GRM8: variants seen among roughly 807,000 people sequenced by gnomAD.
GRM8 encodes the protein metabotropic glutamate receptor 8.
GRM8 carries 47 observed loss-of-function variants against 87.2 expected under a neutral mutation model. The observed-to-expected ratio is 0.54, with a 90% CI of 0.43 to 0.69. The LOEUF (loss-of-function observed/expected upper bound fraction) is 0.69, where lower values mean the gene tolerates loss of function less well. GRM8 is among the 30% of genes least tolerant of loss of function. The probability of loss-of-function intolerance (pLI) is 0.00; values close to 1 mark genes in which losing one functional copy is unlikely to be tolerated. For synonymous variants in GRM8, 396 were observed against 404.5 expected (o/e 0.98, Z 0.25); for missense variants, 1,019 against 1,139.2 (o/e 0.89, Z 1.52).
intron 6 of GRM8, among the ~76,000 whole-genome samples, chr7:126,822,604 G>T (rs1056902422): frequency 2.0e-5 from 3 of 151,402 alleles, no homozygotes; most frequent in Non-Finnish European, 4.4e-5. Flanking sequence ...TGTTGCCCAG[G>T]CTGGAGTGCA....
chr7:127,028,118 T>C (rs1188751691), intron 3 of GRM8, among the ~76,000 whole-genome samples: 1 of 152,206 alleles, frequency 6.6e-6, no homozygotes, highest in Non-Finnish European at 1.5e-5. Context: ...TCTGTTTATG[T>C]GACAGATTAT....
rs182625600 is a variant in GRM8 at position 127,178,637 on chromosome 7, G to T, written c.510+64058C>A. ...GTAACCTGTAAAGAAAAACCTATCA[G>T]ATTAACAGCAGATTTCTCTGGAGAA... is the stretch of plus-strand genomic sequence containing the variant. On this transcript the variant is annotated intron_variant, in intron 2 of 10. Transcript: ENST00000339582. Among the ~76,000 whole-genome samples, 387 of 152,298 alleles carry T rather than the reference G, an allele frequency of 2.5e-3. 2 individuals are homozygous for T. The highest frequency in any genetic ancestry group is 9.0e-3 in the African/African-American group (374 of 41,562).
chr7:126,798,105 G>C (rs888768521), intron 6 of GRM8, among the ~76,000 whole-genome samples: 1 of 151,978 alleles, frequency 6.6e-6, no homozygotes, highest in African/African-American at 2.4e-5. Context: ...ATATTTACAC[G>C]TTGCCAAGTC....
At chr7:126,998,138 T>C (rs563367542) in intron 3 of GRM8, among the ~76,000 whole-genome samples, 1 of 152,074 alleles carries the variant, frequency 6.6e-6, no homozygotes, top group East Asian at 1.9e-4. Context: ...TGATATATCA[T>C]ATCAACAGAA....
At chr7:126,955,811 C>T (rs533429749) in intron 3 of GRM8, among the ~76,000 whole-genome samples, 5 of 152,152 alleles carry the variant, frequency 3.3e-5, no homozygotes, top group South Asian at 2.1e-4. Flanking sequence ...ATGTGGATCT[C>T]GATAGGAGTT....
intron 3 of GRM8, among the ~76,000 whole-genome samples, chr7:126,921,446 A>G (rs961997465): frequency 5.3e-5 from 8 of 152,156 alleles, no homozygotes; most frequent in Admixed American, 5.2e-4. Flanking sequence ...AATATTTCTC[A>G]GAACTGAAGA....
chr7:126,795,190 T>C lies in GRM8; in HGVS notation c.1157-25125A>G, dbSNP rs137859532. Among the ~76,000 whole-genome samples the C allele has an allele frequency of 7.3e-3, 1,119 of 152,258 alleles. 18 individuals are homozygous for C. Among genetic ancestry groups the C allele is most frequent in the African/African-American group, 0.025 (1,040 of 41,548 alleles). ...TTTTGAGTCAACTGGACAGTTGAGA[T>C]TGAAAACAACTGATACTAAACCTAG... On this transcript the variant is annotated intron_variant, in intron 6 of 10. Transcript: ENST00000339582.
Position 127,110,606 on chromosome 7 carries a change from T to C in GRM8, c.511-3894A>G, listed in dbSNP as rs548448642. ...ATTATACAACTCAGGACACTCATCA[T>C]CCTCTTTTTTTAAAAAAAAATTGTT... On this transcript the variant is annotated intron_variant, in intron 2 of 10. Transcript: ENST00000339582. 1.1e-4 allele frequency among the ~76,000 whole-genome samples: 16 copies of C among 150,760 alleles called. No individual in the cohort carries two copies. In the East Asian group the frequency reaches 3.1e-3, roughly 29 times the overall value.
At chr7:126,898,487 T>C (rs1801759404) in intron 6 of GRM8, among the ~76,000 whole-genome samples, 1 of 152,230 alleles carries the variant, frequency 6.6e-6, no homozygotes, top group Admixed American at 6.5e-5. Context: ...GGAATTTGCA[T>C]GAAAATCTGT....
chr7:126,444,387 C>T (rs537290774), intron 10 of GRM8, among the ~76,000 whole-genome samples: 1 of 152,148 alleles, frequency 6.6e-6, no homozygotes, highest in South Asian at 2.1e-4. Context: ...TTACTAAAGC[C>T]CATCCTTACC....
chr7:126,534,467 T>C (rs1402588397), intron 8 of GRM8, among the ~76,000 whole-genome samples: 5 of 152,236 alleles, frequency 3.3e-5, no homozygotes, highest in Non-Finnish European at 7.3e-5. Context: ...ATCCTTTTTT[T>C]CTTCAGTCTT....
intron 2 of GRM8, among the ~76,000 whole-genome samples, chr7:127,121,824 C>A (rs1317388903): frequency 6.6e-6 from 1 of 152,114 alleles, no homozygotes; most frequent in Non-Finnish European, 1.5e-5. Flanking sequence ...CCCCCATGAT[C>A]CACTCACCTC....
At chr7:126,845,073 A>G (rs1255143969) in intron 6 of GRM8, among the ~76,000 whole-genome samples, 1 of 152,200 alleles carries the variant, frequency 6.6e-6, no homozygotes, top group Non-Finnish European at 1.5e-5. Context: ...CCTCTGGGCC[A>G]TTAGCAAGAA....
chr7:126,482,239 T>C (rs1338487902), intron 9 of GRM8, among the ~76,000 whole-genome samples: 2 of 151,978 alleles, frequency 1.3e-5, no homozygotes, highest in African/African-American at 4.8e-5. Context: ...GAAAACAATA[T>C]GGCAGTTCCT....
At chr7:126,770,503 G>C (rs1374308108) in intron 6 of GRM8, among the ~76,000 whole-genome samples, 1 of 152,026 alleles carries the variant, frequency 6.6e-6, no homozygotes, top group Non-Finnish European at 1.5e-5. Flanking sequence ...TTCTAATTTT[G>C]AATGTGCTCC....
chr7:127,016,574 T>C (rs992644137), intron 3 of GRM8, among the ~76,000 whole-genome samples: 1 of 152,090 alleles, frequency 6.6e-6, no homozygotes, highest in Non-Finnish European at 1.5e-5. Context: ...GTGACAGAGA[T>C]AAATTTCAGT....
chr7:126,945,351 T>C (rs2131565054), intron 3 of GRM8, among the ~76,000 whole-genome samples: 1 of 152,364 alleles, frequency 6.6e-6, no homozygotes, highest in Admixed American at 6.5e-5. Flanking sequence ...TTTTTATTTG[T>C]GTTTTCTGTA....
chr7:126,964,429 A>G (rs1809634921), intron 3 of GRM8, among the ~76,000 whole-genome samples: 1 of 152,244 alleles, frequency 6.6e-6, no homozygotes, highest in African/African-American at 2.4e-5. Context: ...AAGGGCTAAT[A>G]TCCAGAATCT....
intron 9 of GRM8, among the ~76,000 whole-genome samples, chr7:126,509,737 T>A (rs1174760246): frequency 1.3e-5 from 2 of 151,972 alleles, no homozygotes; most frequent in South Asian, 2.1e-4. Flanking sequence ...ATCAGGACCA[T>A]CTGATTGCAC....
Sources: gnomAD v4.1 joint callset for allele counts (sites outside exome capture counted in the v4.1 genomes callset) on GRCh38, gnomAD v4.1.1 for gene constraint, MANE v1.5 for transcripts, NCBI Gene and HGNC (gene_info 2026-07-23, HGNC 2026-07-21) for gene names.